SS18L1: variants seen among roughly 807,000 people sequenced by gnomAD.
SS18L1 encodes calcium-responsive transactivator.
SS18L1 carries 32 observed loss-of-function variants against 70.3 expected under a neutral mutation model. That is an observed-to-expected ratio of 0.46 (90% CI 0.34 to 0.61). SS18L1 has a LOEUF of 0.61. Among genes scored for constraint, SS18L1 ranks in the 20% least tolerant of loss-of-function variants. SS18L1 has a pLI of 0.01. For synonymous variants in SS18L1, 237 were observed against 229.7 expected (o/e 1.03, Z -0.29); for missense variants, 430 against 542.1 (o/e 0.79, Z 2.05).
intron 8 of SS18L1, among the ~76,000 whole-genome samples, chr20:62,165,940 T>TG (rs915933774): frequency 2.0e-5 from 3 of 152,154 alleles, no homozygotes; most frequent in Non-Finnish European, 2.9e-5. Context: ...GCGCTGGGTG[T>TG]GGCCTCGCGT....
chr20:62,152,929 C>T (rs926888251), intron 1 of SS18L1, among the ~76,000 whole-genome samples: 3 of 152,134 alleles, frequency 2.0e-5, no homozygotes, highest in East Asian at 1.9e-4. Flanking sequence ...ACCAAAGCCG[C>T]GCGTGCACAT....
chr20:62,178,638 C>T (rs1297086492), intron 10 of SS18L1, among the ~76,000 whole-genome samples: 2 of 152,218 alleles, frequency 1.3e-5, no homozygotes, highest in Non-Finnish European at 2.9e-5. Flanking sequence ...GCCTTGACCT[C>T]CTGGGCTCAA....
At position 62,143,846 on chromosome 20, in the gene SS18L1, G is replaced by C; in HGVS notation, c.26G>C (p.Arg9Pro). The change falls in exon 1 of 11, where the codon CGG becomes CCG. Residue 9 changes from arginine (R) to proline (P), a missense_variant. Transcript: ENST00000331758. MSVAFASA[R>P]PRGKGEVTQQ... ...ATGTCCGTGGCCTTCGCGTCTGCCC[G>C]GCCAAGAGGCAAAGGGGAGGTTACG... The C allele has an allele frequency of 7.5e-7, 1 of 1,325,718 alleles. No homozygotes were observed. Among genetic ancestry groups the C allele is most frequent in the Non-Finnish European group, 9.9e-7 (1 of 1,007,432 alleles). The allele number at this position is 1,325,718 out of a possible 1,614,324, so 82.1% of individuals were successfully genotyped here. A position where few individuals can be genotyped will look rare whatever the true frequency, so the allele number is the denominator to read the frequency against.
chr20:62,175,491 C>G (rs991675280), intron 10 of SS18L1: 1 of 976,336 alleles, frequency 1.0e-6, no homozygotes, highest in Non-Finnish European at 1.2e-6. Flanking sequence ...GGAGGTTTGT[C>G]CCAGTGAAGG....
At chr20:62,147,200 C>T (rs1457536858) in intron 1 of SS18L1, among the ~76,000 whole-genome samples, 1 of 152,086 alleles carries the variant, frequency 6.6e-6, no homozygotes, top group Admixed American at 6.5e-5. Context: ...AGTGGAAGGG[C>T]AGGGGGTGCT....
At chr20:62,152,795 T>C (rs572214494) in intron 1 of SS18L1, among the ~76,000 whole-genome samples, 1 of 152,280 alleles carries the variant, frequency 6.6e-6, no homozygotes, top group South Asian at 2.1e-4. Context: ...ATGCTTGTCT[T>C]AGAGATTTTC....
chr20:62,174,850 A>G lies in SS18L1; in HGVS notation c.1164+206A>G. 1.4e-6 allele frequency: 2 copies of G among 1,454,582 alleles called. No homozygotes were observed. Among genetic ancestry groups the G allele is most frequent in the Non-Finnish European group, 1.8e-6 (2 of 1,100,234 alleles). The allele number at this position is 1,454,582 out of a possible 1,614,324, so 90.1% of individuals were successfully genotyped here. A position where few individuals can be genotyped will look rare whatever the true frequency, so the allele number is the denominator to read the frequency against. ...ACCTCAGTCATCCAGCTGGCTTTTC[A>G]TACCCTAAGCTCACCGTTAGATCTG... On this transcript the variant is annotated intron_variant, in intron 10 of 10. Coordinates refer to ENST00000331758, the MANE Select transcript of SS18L1 (RefSeq NM_198935.3). The surrounding 1 kb of genome is among the most constrained non-coding windows in gnomAD (Gnocchi z 4.1).
At chr20:62,145,947 C>T (rs958009425) in intron 1 of SS18L1, among the ~76,000 whole-genome samples, 2 of 152,128 alleles carry the variant, frequency 1.3e-5, no homozygotes, top group African/African-American at 4.8e-5. Context: ...CTGAAGCCTG[C>T]GTGGTAGTGA....
At chr20:62,171,241 T>C (rs2057526533) in intron 8 of SS18L1, among the ~76,000 whole-genome samples, 2 of 152,240 alleles carry the variant, frequency 1.3e-5, no homozygotes, top group Admixed American at 6.5e-5. Context: ...TAAAGTGGGC[T>C]ATAAAACATG....
At chr20:62,145,932 C>T (rs2057016539) in intron 1 of SS18L1, among the ~76,000 whole-genome samples, 1 of 152,188 alleles carries the variant, frequency 6.6e-6, no homozygotes, top group Non-Finnish European at 1.5e-5. Context: ...AAGCCAGGGA[C>T]CCCTCTGAAG....
intron 8 of SS18L1, among the ~76,000 whole-genome samples, chr20:62,169,461 A>AT (rs1261801699): frequency 6.6e-6 from 1 of 152,180 alleles, no homozygotes; most frequent in Admixed American, 6.5e-5. Flanking sequence ...ATGTAGATGT[A>AT]TTGGCAGCTT....
At position 62,158,895 on chromosome 20, in the gene SS18L1, T is replaced by G; in HGVS notation, c.146+147T>G. On this transcript the variant is annotated intron_variant, in intron 2 of 10. Transcript: ENST00000331758. The surrounding 1 kb of genome is among the most constrained non-coding windows in gnomAD (Gnocchi z 4.5). ...ACGGAGGCCAGATATGTCCCAGGAGTCCCCTGCACAGAGGCCAGATATGTC... is the reference window on the plus strand; with the variant it reads ...ACGGAGGCCAGATATGTCCCAGGAGGCCCCTGCACAGAGGCCAGATATGTC... 1.9e-6 allele frequency: 3 copies of G among 1,585,192 alleles called. No individual in the cohort carries two copies. The highest frequency in any genetic ancestry group is 1.7e-6 in the Non-Finnish European group (2 of 1,170,020).
intron 1 of SS18L1, among the ~76,000 whole-genome samples, chr20:62,148,647 G>A (rs1240093896): frequency 7.2e-5 from 11 of 152,252 alleles, no homozygotes; most frequent in Non-Finnish European, 1.6e-4. Flanking sequence ...TCAGGTGAGG[G>A]AGGCGCTCTG....
chr20:62,143,815 G>C lies in SS18L1; in HGVS notation c.-6G>C. 1 of 1,344,554 alleles carries C rather than the reference G, an allele frequency of 7.4e-7. No homozygotes were observed. The highest frequency in any genetic ancestry group is 9.8e-7 in the Non-Finnish European group (1 of 1,017,750). The allele number at this position is 1,344,554 out of a possible 1,614,324, so 83.3% of individuals were successfully genotyped here. On this transcript the variant is annotated 5_prime_UTR_variant, in exon 1 of 11. Coordinates refer to ENST00000331758, the MANE Select transcript of SS18L1 (RefSeq NM_198935.3). ...ATGACCACGGGCTGAGCCCCGCGCC[G>C]CCACCATGTCCGTGGCCTTCGCGTC...
In SS18L1 at chr20:62,167,038, GTTTGTTTTTTT is replaced by G. The variant is rs2057445928; in HGVS notation, c.916+1528_916+1538del. Among the ~76,000 whole-genome samples, 2 of 110,970 alleles carry G rather than the reference GTTTGTTTTTTT, an allele frequency of 1.8e-5. 1 individual carries two copies. The highest frequency in any genetic ancestry group is 6.2e-4 in the South Asian group (2 of 3,206). 72.8% of individuals were successfully genotyped at this position (110,970 alleles called of 152,430 possible). ...GAGGATTGCTTGAGCTCAGGAGTTT[GTTTGTTTTTTT>G]TTTTTTTTTTTTTTGAGACGGAGTC... is the stretch of plus-strand genomic sequence containing the variant. On this transcript the variant is annotated intron_variant, in intron 8 of 10. Coordinates refer to ENST00000331758, the MANE Select transcript of SS18L1 (RefSeq NM_198935.3).
At chr20:62,165,751 G>C (rs545714260) in intron 8 of SS18L1, among the ~76,000 whole-genome samples, 5 of 151,794 alleles carry the variant, frequency 3.3e-5, no homozygotes, top group Non-Finnish European at 7.4e-5. Context: ...GGCCATGCTG[G>C]GGTTGGGGGC....
At chr20:62,166,084 C>A (rs996459784) in intron 8 of SS18L1, among the ~76,000 whole-genome samples, 1 of 152,226 alleles carries the variant, frequency 6.6e-6, no homozygotes, top group Non-Finnish European at 1.5e-5. Context: ...GTGTCTGTGC[C>A]CCCACCCTGG....
At chr20:62,156,673 C>T (rs960216166) in intron 1 of SS18L1, among the ~76,000 whole-genome samples, 5 of 152,200 alleles carry the variant, frequency 3.3e-5, no homozygotes, top group African/African-American at 1.2e-4. Flanking sequence ...ACCCTGGGCT[C>T]CCTCTGCCTG....
intron 1 of SS18L1, among the ~76,000 whole-genome samples, chr20:62,147,308 T>A (rs578079302): frequency 9.2e-5 from 14 of 152,302 alleles, no homozygotes; most frequent in African/African-American, 3.4e-4. Context: ...AGGACATGAC[T>A]GTGCTGGGGA....
Sources: gnomAD v4.1 joint callset for allele counts (sites outside exome capture counted in the v4.1 genomes callset) on GRCh38, gnomAD v4.1.1 for gene constraint, Gnocchi (gnomAD v3.1) non-coding constraint, MANE v1.5 for transcripts, NCBI Gene and HGNC (gene_info 2026-07-23, HGNC 2026-07-21) for gene names.